Variants in CPA1 observed in about 807,000 individuals in gnomAD.
CPA1 encodes the protein carboxypeptidase A1 (pancreatic).
Under a neutral mutation model 48.7 loss-of-function variants are expected in CPA1, and 42 were observed. That is an observed-to-expected ratio of 0.86 (90% CI 0.67 to 1.11). The LOEUF is 1.11. Among genes scored for constraint, CPA1 ranks in the 50% most tolerant of loss-of-function variants. The pLI is 0.00. For missense variants in CPA1, 477 were observed against 544.7 expected (o/e 0.88, Z 1.24); for synonymous variants, 203 against 217.9 (o/e 0.93, Z 0.60).
Position 130,383,689 on chromosome 7 carries a change from T to C in CPA1, c.591T>C (p.Thr197=), listed in dbSNP as rs781799150. The change falls in exon 6 of 10, where the codon ACT becomes ACC. Residue 197 remains threonine, a synonymous_variant. Coordinates refer to ENST00000011292, the MANE Select transcript of CPA1 (RefSeq NM_001868.4). The part of the protein sequence containing the change: ...ASGVWFAKKI[T]QDYGQDAAFT... Reference sequence around the variant, plus strand: ...CTGCTCCTCTAACCCCCCAGATCACTCAAGACTACGGGCAGGATGCAGCTT... The same window carrying C: ...CTGCTCCTCTAACCCCCCAGATCACCCAAGACTACGGGCAGGATGCAGCTT... The C allele has an allele frequency of 2.5e-6, 4 of 1,613,444 alleles. No homozygotes were observed. The highest frequency in any genetic ancestry group is 3.4e-6 in the Non-Finnish European group (4 of 1,179,396).
chr7:130,383,538 G>C (rs782496407), intron 5 of CPA1, 46 bp downstream of exon 5: 83 of 1,548,212 alleles, frequency 5.4e-5, no homozygotes, highest in Non-Finnish European at 7.4e-5. Flanking sequence ...TGGGGCATTG[G>C]TGTCCAAGGC....
chr7:130,383,549 C>T, intron 5 of CPA1, 57 bp downstream of exon 5: 1 of 1,503,370 alleles, frequency 6.7e-7, no homozygotes, highest in Non-Finnish European at 9.2e-7. Flanking sequence ...TGTCCAAGGC[C>T]CACAGAAGCC....
intron 4 of CPA1, among the ~76,000 whole-genome samples, chr7:130,382,532 C>T (rs1038643724): frequency 1.4e-4 from 22 of 151,986 alleles, no homozygotes; most frequent in Admixed American, 3.9e-4. Flanking sequence ...GGCATGATCT[C>T]GGCTTACTGC....
At chr7:130,382,630 ATTTTTTTT>A (rs34457825) in intron 4 of CPA1, among the ~76,000 whole-genome samples, 12 of 74,358 alleles carry the variant, frequency 1.6e-4, no homozygotes, top group Admixed American at 5.4e-4. Flanking sequence ...TGCCCGGGTA[ATTTTTTTT>A]TTTTTTTTTT....
chr7:130,383,275 C>A, intron 4 of CPA1, 116 bp from the exon 5 acceptor site: 4 of 786,216 alleles, frequency 5.1e-6, no homozygotes, highest in Non-Finnish European at 8.9e-6. Flanking sequence ...AGAGCCTCTA[C>A]CTGAGATACA....
At chr7:130,383,661 C>T in intron 5 of CPA1, 23 bp from the exon 6 acceptor site, 1 of 1,580,110 alleles carries the variant, frequency 6.3e-7, no homozygotes. Flanking sequence ...CTGCGCTGCC[C>T]CTCTGCTCCT....
chr7:130,387,953 A>T lies in CPA1; in HGVS notation c.1202A>T (p.Lys401Met). The change falls in exon 10 of 10, where the codon AAG becomes ATG. Residue 401 changes from lysine (K) to methionine (M), a missense_variant. Transcript: ENST00000011292. The surrounding 1 kb of genome is among the most constrained non-coding windows in gnomAD (Gnocchi z 4.6). Reference protein sequence around the residue: ...LPASQIIPTAKETWLALLTIM... With the variant: ...LPASQIIPTAMETWLALLTIM... Reference sequence around the variant, plus strand: ...GCCTCCCAGATCATCCCCACAGCCAAGGAGACGTGGCTGGCGCTTCTGACC... The same window carrying T: ...GCCTCCCAGATCATCCCCACAGCCATGGAGACGTGGCTGGCGCTTCTGACC... 1 of 1,614,112 alleles carries T rather than the reference A, an allele frequency of 6.2e-7. No individual in the cohort carries two copies.
intron 5 of CPA1, 46 bp downstream of exon 5, chr7:130,383,538 G>T (rs782496407): frequency 6.5e-7 from 1 of 1,548,212 alleles, no homozygotes; most frequent in East Asian, 2.3e-5. Flanking sequence ...TGGGGCATTG[G>T]TGTCCAAGGC....
At chr7:130,382,793 G>A (rs1393699168) in intron 4 of CPA1, among the ~76,000 whole-genome samples, 1 of 152,022 alleles carries the variant, frequency 6.6e-6, no homozygotes, top group African/African-American at 2.4e-5. Context: ...ACAGGCGCCT[G>A]CCACCACGCC....
Position 130,383,493 on chromosome 7 carries a change from G to C in CPA1, c.585+1G>C. The C allele has an allele frequency of 1.2e-6, 2 of 1,613,360 alleles. No individual in the cohort carries two copies. The highest frequency in any genetic ancestry group is 4.5e-5 in the East Asian group (2 of 44,864). The stretch of plus-strand genomic sequence containing the variant: ...CAGTGGGGTCTGGTTTGCAAAGAAG[G>C]TAAGGCCGGGGAGGTGAGGAGGGCT... On this transcript the variant is annotated splice_donor_variant, in intron 5 of 9. Coordinates refer to ENST00000011292, the MANE Select transcript of CPA1 (RefSeq NM_001868.4). LOFTEE classifies it high-confidence loss of function.
intron 3 of CPA1, 78 bp from the exon 4 acceptor site, chr7:130,382,030 G>A: frequency 7.6e-7 from 1 of 1,309,286 alleles, no homozygotes; most frequent in Non-Finnish European, 1.1e-6. Flanking sequence ...CAGCAGGCTG[G>A]GACGGTGGGG....
Position 130,381,703 on chromosome 7 carries a change from C to T in CPA1, c.221C>T (p.Ala74Val), listed in dbSNP as rs149470727. 2.3e-5 allele frequency: 37 copies of T among 1,613,996 alleles called. No individual in the cohort carries two copies. The highest frequency in any genetic ancestry group is 2.8e-5 in the Non-Finnish European group (33 of 1,180,022). Residue 74 changes from alanine (A) to valine (V), a missense_variant, in exon 3 of 10, where the codon GCG (alanine) becomes GTG (valine). Transcript: ENST00000011292. ...CGAGTGCCCTTCCCCAGCATCCAGG[C>T]GGTCAAGATCTTTCTGGAGTCCCAC... ...DVRVPFPSIQ[A>V]VKIFLESHGI... is the part of the protein sequence containing the mutation.
At chr7:130,384,767 G>T (rs1796451843) in intron 7 of CPA1, 141 bp downstream of exon 7, 1 of 694,108 alleles carries the variant, frequency 1.4e-6, no homozygotes, top group Admixed American at 2.6e-5. Context: ...GGGCTCTTGG[G>T]GATGGAGGCT....
At position 130,384,398 on chromosome 7, in the gene CPA1, T is replaced by C. The variant is rs1219823523; in HGVS notation, c.697-138T>C. On this transcript the variant is annotated intron_variant, in intron 6 of 9. Coordinates refer to ENST00000011292, the MANE Select transcript of CPA1 (RefSeq NM_001868.4). ...CAGCTCAGCTTCCAATCAGGGCACTTGTGTTGAGGGCTTCCACCTCCAGGG... is the reference window on the plus strand; with the variant it reads ...CAGCTCAGCTTCCAATCAGGGCACTCGTGTTGAGGGCTTCCACCTCCAGGG... The C allele has an allele frequency of 4.4e-6, 3 of 687,488 alleles. No individual in the cohort carries two copies. The East Asian group carries it at 7.9e-5, about 18-fold the overall frequency. The allele number at this position is 687,488 out of a possible 1,614,324, so 42.6% of individuals were successfully genotyped here.
At position 130,387,152 on chromosome 7, in the gene CPA1, G is replaced by A. The variant is rs1399235625; in HGVS notation, c.1073-672G>A. Among the ~76,000 whole-genome samples the A allele has an allele frequency of 6.6e-6, 1 of 152,190 alleles. No homozygotes were observed. Among genetic ancestry groups the A allele is most frequent in the Non-Finnish European group, 1.5e-5 (1 of 68,038 alleles). ...GCAGGGCTGCGTACACACCTCACAC[G>A]CTTCCTGCCTGAGTGCCTAGGCCTT... On this transcript the variant is annotated intron_variant, in intron 9 of 9. Coordinates refer to ENST00000011292, the MANE Select transcript of CPA1 (RefSeq NM_001868.4). The surrounding 1 kb of genome is among the most constrained non-coding windows in gnomAD (Gnocchi z 4.6).
Position 130,382,201 on chromosome 7 carries a change from G to C in CPA1, c.475G>C (p.Val159Leu). The change falls in exon 4 of 10, where the codon GTG (valine) becomes CTG (leucine). Residue 159 changes from valine to leucine, a missense_variant. Transcript: ENST00000011292. The stretch of plus-strand genomic sequence containing the variant: ...CACCTATGAAGGGCGTCCCATTTAC[G>C]TGCTGAAGGTAACATCCACATGTGG... ...GNTYEGRPIY[V>L]LKFSTGGSKR... is the part of the protein sequence containing the mutation. 6.2e-7 allele frequency: 1 copy of C among 1,613,648 alleles called. No individual in the cohort carries two copies. The highest frequency in any genetic ancestry group is 8.5e-7 in the Non-Finnish European group (1 of 1,179,522).
chr7:130,384,442 C>T (rs1175025712), intron 6 of CPA1, 94 bp from the exon 7 acceptor site: 7 of 1,088,010 alleles, frequency 6.4e-6, no homozygotes, highest in African/African-American at 1.6e-5. Flanking sequence ...CCTCAGTCCA[C>T]TCTGCTCTCT....
Position 130,381,701 on chromosome 7 carries a change from G to C in CPA1, c.219G>C (p.Gln73His). 6.2e-7 allele frequency: 1 copy of C among 1,614,118 alleles called. No individual in the cohort carries two copies. The highest frequency in any genetic ancestry group is 1.7e-5 in the Admixed American group (1 of 60,028). The change falls in exon 3 of 10, where the codon CAG (glutamine) becomes CAC (histidine). Residue 73 changes from glutamine (Q) to histidine (H), a missense_variant. Gln to His is a conservative substitution (Grantham distance 24, BLOSUM62 0). Coordinates refer to ENST00000011292, the MANE Select transcript of CPA1 (RefSeq NM_001868.4). The part of the protein sequence containing the change: ...IDVRVPFPSI[Q>H]AVKIFLESHG... ...TCCGAGTGCCCTTCCCCAGCATCCAGGCGGTCAAGATCTTTCTGGAGTCCC... is the reference window on the plus strand; with the variant it reads ...TCCGAGTGCCCTTCCCCAGCATCCACGCGGTCAAGATCTTTCTGGAGTCCC...
In CPA1 at chr7:130,387,679, G is replaced by A; in HGVS notation, c.1073-145G>A. The A allele has an allele frequency of 1.3e-6, 1 of 753,988 alleles. No homozygotes were observed. The highest frequency in any genetic ancestry group is 1.8e-5 in the South Asian group (1 of 55,540). 46.7% of individuals were successfully genotyped at this position (753,988 alleles called of 1,614,324 possible). On this transcript the variant is annotated intron_variant, in intron 9 of 9. Coordinates refer to ENST00000011292, the MANE Select transcript of CPA1 (RefSeq NM_001868.4). This position sits in a 1 kb window ranked among gnomAD's most constrained non-coding sequence, Gnocchi z 4.6. Reference sequence around the variant, plus strand: ...AGTTTCTTGGAAGTGAGGCTGCTTGGTCAACAGCAGACCTTAGTAGACACT... The same window carrying A: ...AGTTTCTTGGAAGTGAGGCTGCTTGATCAACAGCAGACCTTAGTAGACACT...
Sources: gnomAD v4.1 joint callset for allele counts (sites outside exome capture counted in the v4.1 genomes callset) on GRCh38, gnomAD v4.1.1 for gene constraint, Gnocchi (gnomAD v3.1) non-coding constraint, MANE v1.5 for transcripts, NCBI Gene and HGNC (gene_info 2026-07-23, HGNC 2026-07-21) for gene names.